ARHGAP39: variants seen among roughly 807,000 people sequenced by gnomAD.
ARHGAP39 encodes the protein Rho GTPase activating protein 39.
In ARHGAP39, 44 loss-of-function variants were observed where a neutral mutation model predicts 106.9. That is an observed-to-expected ratio of 0.41 (90% CI 0.32 to 0.53). The LOEUF is 0.53. Ranked by LOEUF, ARHGAP39 falls within the 20% of genes least tolerant of loss-of-function variation. The probability of loss-of-function intolerance (pLI) is 0.21; values close to 1 mark genes in which losing one functional copy is unlikely to be tolerated. For synonymous variants in ARHGAP39, 768 were observed against 693.2 expected (o/e 1.11, Z -1.69); for missense variants, 1,496 against 1,577.3 (o/e 0.95, Z 0.87).
intron 1 of ARHGAP39, among the ~76,000 whole-genome samples, chr8:144,650,888 T>C (rs1258244682): frequency 1.3e-5 from 2 of 152,094 alleles, no homozygotes; most frequent in Non-Finnish European, 2.9e-5. Flanking sequence ...ATATTGGAAG[T>C]CCTAGCCAGA....
chr8:144,587,704 G>A (rs2130909856), intron 2 of ARHGAP39, among the ~76,000 whole-genome samples: 1 of 151,476 alleles, frequency 6.6e-6, no homozygotes, highest in African/African-American at 2.4e-5. Flanking sequence ...ATCCAGGCTG[G>A]AGTGCGGTGG....
rs1822337847 is a variant in ARHGAP39 at position 144,679,617 on chromosome 8, C to A, written c.-82+6069G>T. Among the ~76,000 whole-genome samples the A allele has an allele frequency of 6.6e-6, 1 of 152,246 alleles. No homozygotes were observed. Among genetic ancestry groups the A allele is most frequent in the Non-Finnish European group, 1.5e-5 (1 of 68,048 alleles). On this transcript the variant is annotated intron_variant, in intron 1 of 11. Transcript: ENST00000377307. This position sits in a 1 kb window ranked among gnomAD's most constrained non-coding sequence, Gnocchi z 4.7. Reference sequence around the variant, plus strand: ...TCCTACAGAACATTGCCAATTAAATCTCCCTAAACCATTAATCAGGACATC... The same window carrying A: ...TCCTACAGAACATTGCCAATTAAATATCCCTAAACCATTAATCAGGACATC...
chr8:144,679,122 C>T lies in ARHGAP39; in HGVS notation c.-82+6564G>A, dbSNP rs985927106. 1.3e-5 allele frequency among the ~76,000 whole-genome samples: 2 copies of T among 152,300 alleles called. No homozygotes were observed. Among genetic ancestry groups the T allele is most frequent in the Middle Eastern group, 3.4e-3 (1 of 294 alleles). On this transcript the variant is annotated intron_variant, in intron 1 of 11. Transcript: ENST00000377307. The surrounding 1 kb of genome is among the most constrained non-coding windows in gnomAD (Gnocchi z 4.7). ...GTGAATGTGGGTGCTGAGTCTGAGC[C>T]GCCTCAGGGGCTCTCGCGCATGGTG... is the stretch of plus-strand genomic sequence containing the variant.
intron 3 of ARHGAP39, among the ~76,000 whole-genome samples, chr8:144,556,698 C>A (rs966259362): frequency 3.2e-4 from 35 of 108,176 alleles, no homozygotes; most frequent in African/African-American, 1.1e-3. Context: ...AGGCAAAAGG[C>A]TGAACCTTCA....
intron 1 of ARHGAP39, among the ~76,000 whole-genome samples, chr8:144,616,473 G>C (rs1820639738): frequency 6.6e-6 from 1 of 152,228 alleles, no homozygotes; most frequent in African/African-American, 2.4e-5. Context: ...CCTCCTCGGA[G>C]CCTGCTTGTG....
intron 1 of ARHGAP39, among the ~76,000 whole-genome samples, chr8:144,677,616 T>C (rs1586653603): frequency 6.6e-6 from 1 of 152,142 alleles, no homozygotes. Flanking sequence ...TGTACTGATA[T>C]GGAAAGATCT....
At chr8:144,662,904 A>C (rs1435017093) in intron 1 of ARHGAP39, among the ~76,000 whole-genome samples, 60 of 100,656 alleles carry the variant, frequency 6.0e-4, no homozygotes, top group Non-Finnish European at 6.8e-4. Context: ...CCTCGGGCCT[A>C]TCCCCCACCC....
intron 3 of ARHGAP39, among the ~76,000 whole-genome samples, chr8:144,565,471 T>C (rs1376990771): frequency 1.3e-5 from 2 of 151,990 alleles, no homozygotes; most frequent in Non-Finnish European, 2.9e-5. Context: ...GGTGGATCAC[T>C]TGAGGTCAGG....
Position 144,591,585 on chromosome 8 carries a change from C to CGGG in ARHGAP39, c.81-10311_81-10309dup. 6.6e-6 allele frequency among the ~76,000 whole-genome samples: 1 copy of CGGG among 152,114 alleles called. No individual in the cohort carries two copies. The highest frequency in any genetic ancestry group is 2.4e-5 in the African/African-American group (1 of 41,474). On this transcript the variant is annotated intron_variant, in intron 2 of 11. Coordinates refer to ENST00000377307, the MANE Select transcript of ARHGAP39 (RefSeq NM_025251.3). The surrounding 1 kb of genome is among the most constrained non-coding windows in gnomAD (Gnocchi z 5.3). ...TCCACAGGGAGCAGGATGAAGGCTCCGGGAGGCCAGTGGTGCTGGGGGACA... is the reference window on the plus strand; with the variant it reads ...TCCACAGGGAGCAGGATGAAGGCTCCGGGGGGAGGCCAGTGGTGCTGGGGGACA...
rs1046321077 is a variant in ARHGAP39 at position 144,641,481 on chromosome 8, C to G, written c.-81-35786G>C. Among the ~76,000 whole-genome samples the G allele has an allele frequency of 9.2e-5, 14 of 151,970 alleles. No homozygotes were observed. The highest frequency in any genetic ancestry group is 1.8e-4 in the Non-Finnish European group (12 of 67,988). On this transcript the variant is annotated intron_variant, in intron 1 of 11. Coordinates refer to ENST00000377307, the MANE Select transcript of ARHGAP39 (RefSeq NM_025251.3). The surrounding 1 kb of genome is among the most constrained non-coding windows in gnomAD (Gnocchi z 5.2). ...TGCAGTGGCGCCCAGGTGGCCAACT[C>G]CCGAGGCAGGAGCTCAGGCAGGGCC... is the stretch of plus-strand genomic sequence containing the variant.
chr8:144,605,086 C>T (rs912455718), intron 2 of ARHGAP39, among the ~76,000 whole-genome samples: 1 of 152,048 alleles, frequency 6.6e-6, no homozygotes, highest in African/African-American at 2.4e-5. Flanking sequence ...AAGCAACAGA[C>T]CTCATCTTTA....
intron 1 of ARHGAP39, among the ~76,000 whole-genome samples, chr8:144,619,438 G>A (rs1364065809): frequency 6.6e-6 from 1 of 152,024 alleles, no homozygotes; most frequent in African/African-American, 2.4e-5. Flanking sequence ...GTGTCCCTGA[G>A]ACAGCAGGTA....
chr8:144,561,902 A>G (rs1459881808), intron 3 of ARHGAP39, among the ~76,000 whole-genome samples: 6 of 124,816 alleles, frequency 4.8e-5, no homozygotes, highest in African/African-American at 1.6e-4. Flanking sequence ...TTTCCATCGC[A>G]CTCCAGTGGT....
chr8:144,585,100 T>C lies in ARHGAP39; in HGVS notation c.81-3823A>G, dbSNP rs1819128639. On this transcript the variant is annotated intron_variant, in intron 2 of 11. Coordinates refer to ENST00000377307, the MANE Select transcript of ARHGAP39 (RefSeq NM_025251.3). This position sits in a 1 kb window ranked among gnomAD's most constrained non-coding sequence, Gnocchi z 4.6. The stretch of plus-strand genomic sequence containing the variant: ...GTCTCCCTCCACTCGTCCAGGTGTC[T>C]GAAGGGCTTAGACGCCCTCTCCCGA... 6.6e-6 allele frequency among the ~76,000 whole-genome samples: 1 copy of C among 152,146 alleles called. No individual in the cohort carries two copies.
chr8:144,671,059 TC>T lies in ARHGAP39; in HGVS notation c.-82+14626del, dbSNP rs1256935903. Among the ~76,000 whole-genome samples the T allele has an allele frequency of 6.6e-6, 1 of 152,162 alleles. No individual in the cohort carries two copies. The highest frequency in any genetic ancestry group is 1.5e-5 in the Non-Finnish European group (1 of 68,032). Reference sequence around the variant, plus strand: ...CCAAGCCTCAGGGCCGCCAAGCTTCTCCCGAAACCCAACCAGGGCCCTTCAC... The same window carrying T: ...CCAAGCCTCAGGGCCGCCAAGCTTCTCCGAAACCCAACCAGGGCCCTTCAC... On this transcript the variant is annotated intron_variant, in intron 1 of 11. Coordinates refer to ENST00000377307, the MANE Select transcript of ARHGAP39 (RefSeq NM_025251.3). This position sits in a 1 kb window ranked among gnomAD's most constrained non-coding sequence, Gnocchi z 4.5.
chr8:144,602,096 T>TGCTA (rs1820008063), intron 2 of ARHGAP39, among the ~76,000 whole-genome samples: 1 of 136,984 alleles, frequency 7.3e-6, no homozygotes, highest in Non-Finnish European at 1.5e-5. Context: ...GAGGCGTGTG[T>TGCTA]GCTCGTGTAC....
intron 1 of ARHGAP39, among the ~76,000 whole-genome samples, chr8:144,683,001 A>G (rs1238145669): frequency 6.6e-6 from 1 of 152,086 alleles, no homozygotes; most frequent in Non-Finnish European, 1.5e-5. Context: ...TGGCCAGCAG[A>G]GTGAGACCCT....
At chr8:144,658,196 G>A (rs373155392) in intron 1 of ARHGAP39, among the ~76,000 whole-genome samples, 4 of 151,750 alleles carry the variant, frequency 2.6e-5, no homozygotes, top group African/African-American at 9.7e-5. Context: ...TGTAACCTCC[G>A]CCTCCCAGGT....
chr8:144,691,412 A>C, the ARHGAP39 span, among the ~76,000 whole-genome samples: 2 of 152,292 alleles, frequency 1.3e-5, no homozygotes, highest in African/African-American at 4.8e-5. Flanking sequence ...TGTGAGAAAC[A>C]AACTCACCCG....
Sources: allele counts gnomAD v4.1 joint callset (sites outside exome capture counted in the v4.1 genomes callset), GRCh38; gene constraint gnomAD v4.1.1; non-coding constraint Gnocchi (gnomAD v3.1); transcripts MANE v1.5; gene names NCBI Gene and HGNC (gene_info 2026-07-23, HGNC 2026-07-21).